Variants in KATNIP observed in about 807,000 individuals in gnomAD.
KATNIP encodes katanin interacting protein.
A neutral mutation model predicts 174.0 loss-of-function variants in KATNIP; 126 were observed. The observed-to-expected ratio is 0.72, with a 90% CI of 0.63 to 0.84. KATNIP has a LOEUF of 0.84. Among genes scored for constraint, KATNIP ranks in the 40% least tolerant of loss-of-function variants. KATNIP has a pLI of 0.00. For synonymous variants in KATNIP, 810 were observed against 835.7 expected, an observed-to-expected ratio of 0.97 and a Z score of 0.53; for missense variants, 1,958 against 2,109.7, an observed-to-expected ratio of 0.93 and a Z score of 1.41.
chr16:27,665,129 T>G (rs1179925648), intron 6 of KATNIP, among the ~76,000 whole-genome samples: 1 of 151,486 alleles, frequency 6.6e-6, no homozygotes, highest in Non-Finnish European at 1.5e-5. Context: ...GGAGGTTGTT[T>G]TTTTTTTTTT....
chr16:27,642,251 A>G (rs1181942866), intron 5 of KATNIP, among the ~76,000 whole-genome samples: 4 of 152,186 alleles, frequency 2.6e-5, no homozygotes, highest in Non-Finnish European at 5.9e-5. Flanking sequence ...GCTGGAAACT[A>G]TATGTCCTTT....
At chr16:27,760,722 G>T (rs1290995582) in intron 18 of KATNIP, among the ~76,000 whole-genome samples, 1 of 152,184 alleles carries the variant, frequency 6.6e-6, no homozygotes, top group Non-Finnish European at 1.5e-5. Context: ...AACAGATGGG[G>T]TTTCTCCCTC....
intron 3 of KATNIP, among the ~76,000 whole-genome samples, chr16:27,620,084 G>A (rs1404809650): frequency 6.6e-6 from 1 of 152,314 alleles, no homozygotes; most frequent in East Asian, 1.9e-4. Flanking sequence ...ATCAATAAGT[G>A]TGCAATCAAA....
chr16:27,618,801 G>A (rs570846672), intron 3 of KATNIP, among the ~76,000 whole-genome samples: 1 of 152,322 alleles, frequency 6.6e-6, no homozygotes, highest in Admixed American at 6.5e-5. Flanking sequence ...CAGGGCTTGT[G>A]CAAGAACCAC....
chr16:27,739,330 G>A (rs1208763507), intron 14 of KATNIP, among the ~76,000 whole-genome samples: 1 of 152,206 alleles, frequency 6.6e-6, no homozygotes, highest in Non-Finnish European at 1.5e-5. Flanking sequence ...ACTAGGGTTG[G>A]GGAAAGTGAG....
intron 5 of KATNIP, among the ~76,000 whole-genome samples, chr16:27,642,189 A>G (rs907386421): frequency 2.6e-5 from 4 of 152,236 alleles, no homozygotes; most frequent in African/African-American, 9.6e-5. Context: ...ATGGAATACT[A>G]TGCAGCCATA....
chr16:27,634,372 C>A (rs933333708), intron 5 of KATNIP, among the ~76,000 whole-genome samples: 1 of 152,180 alleles, frequency 6.6e-6, no homozygotes. Flanking sequence ...CTTACGAAGT[C>A]CTTGGGCTAG....
intron 5 of KATNIP, among the ~76,000 whole-genome samples, chr16:27,638,815 C>T (rs1247896522): frequency 6.6e-6 from 1 of 151,474 alleles, no homozygotes; most frequent in South Asian, 2.1e-4. Flanking sequence ...TCTGTACTCT[C>T]CTCCTGGCTG....
intron 2 of KATNIP, among the ~76,000 whole-genome samples, chr16:27,586,926 T>C (rs1426082987): frequency 6.6e-6 from 1 of 151,580 alleles, no homozygotes; most frequent in African/African-American, 2.4e-5. Flanking sequence ...TTCTTTTTTT[T>C]TTTTTTTAAT....
At position 27,759,865 on chromosome 16, in the gene KATNIP, C is replaced by T. The variant is rs543887180; in HGVS notation, c.3632-1548C>T. Among the ~76,000 whole-genome samples, 7 of 152,290 alleles carry T rather than the reference C, an allele frequency of 4.6e-5. No individual in the cohort carries two copies. The East Asian group carries it at 9.6e-4, about 21-fold the overall frequency. ...GCAACAGCAGGGACACGGGATGGGACGAGCTTGTAGCCACTTTGCACGTGA... is the reference window on the plus strand; with the variant it reads ...GCAACAGCAGGGACACGGGATGGGATGAGCTTGTAGCCACTTTGCACGTGA... On this transcript the variant is annotated intron_variant, in intron 18 of 27. Coordinates refer to ENST00000261588, the MANE Select transcript of KATNIP (RefSeq NM_015202.5).
intron 2 of KATNIP, among the ~76,000 whole-genome samples, chr16:27,601,585 G>A (rs1162034979): frequency 6.6e-6 from 1 of 152,114 alleles, no homozygotes; most frequent in African/African-American, 2.4e-5. Context: ...CAAAGTTCTG[G>A]GATTACAAGC....
chr16:27,611,361 T>G lies in KATNIP; in HGVS notation c.64-7064T>G, dbSNP rs575031255. Among the ~76,000 whole-genome samples the G allele has an allele frequency of 3.3e-5, 5 of 152,330 alleles. No homozygotes were observed. In the East Asian group the frequency reaches 9.6e-4, roughly 29 times the overall value. The stretch of plus-strand genomic sequence containing the variant: ...TCACACCTTTGCTGGGTGCCTTAAG[T>G]ATTCATACATCCATTTTGTAGGCAA... On this transcript the variant is annotated intron_variant, in intron 2 of 27. Coordinates refer to ENST00000261588, the MANE Select transcript of KATNIP (RefSeq NM_015202.5).
intron 8 of KATNIP, among the ~76,000 whole-genome samples, chr16:27,690,351 T>TAGAG (rs2078677350): frequency 8.4e-6 from 1 of 119,424 alleles, no homozygotes; most frequent in South Asian, 2.3e-4. Flanking sequence ...GATAGATAGA[T>TAGAG]AGATAGATAG....
intron 13 of KATNIP, among the ~76,000 whole-genome samples, chr16:27,717,694 A>C (rs2080017619): frequency 6.6e-6 from 1 of 152,122 alleles, no homozygotes; most frequent in South Asian, 2.1e-4. Flanking sequence ...TTGCCCTAGC[A>C]CTTCAGGGCA....
chr16:27,559,135 G>A (rs2089747454), intron 1 of KATNIP, among the ~76,000 whole-genome samples: 1 of 152,228 alleles, frequency 6.6e-6, no homozygotes, highest in African/African-American at 2.4e-5. Flanking sequence ...GTGGTTGGTT[G>A]CAAGGAAGAA....
At position 27,688,058 on chromosome 16, in the gene KATNIP, T is replaced by C. The variant is rs558500555; in HGVS notation, c.940+6528T>C. Among the ~76,000 whole-genome samples the C allele has an allele frequency of 1.2e-4, 19 of 152,308 alleles. No individual in the cohort carries two copies. In the South Asian group the frequency reaches 3.9e-3, roughly 32 times the overall value. ...CTCAGATGGTCTCTCGGGAAGCTGT[T>C]TCATCACTTAGCTTTACACTTCTCT... On this transcript the variant is annotated intron_variant, in intron 8 of 27. Coordinates refer to ENST00000261588, the MANE Select transcript of KATNIP (RefSeq NM_015202.5).
At chr16:27,713,802 GTA>G (rs2079760402) in intron 13 of KATNIP, among the ~76,000 whole-genome samples, 1 of 46,322 alleles carries the variant, frequency 2.2e-5, no homozygotes, top group African/African-American at 1.0e-4. Flanking sequence ...GTGTGTGTGT[GTA>G]TATACATATA....
At chr16:27,746,004 A>G (rs1458752749) in intron 15 of KATNIP, among the ~76,000 whole-genome samples, 1 of 122,530 alleles carries the variant, frequency 8.2e-6, no homozygotes, top group African/African-American at 3.3e-5. Flanking sequence ...TTGCTATGTC[A>G]CCCAGGCTGG....
intron 14 of KATNIP, chr16:27,727,136 C>CA: frequency 5.8e-6 from 1 of 172,458 alleles, no homozygotes; most frequent in South Asian, 1.1e-4. Context: ...CTATTAGTGT[C>CA]ATCGCCGGAG....
Sources: allele counts gnomAD v4.1 joint callset (sites outside exome capture counted in the v4.1 genomes callset), GRCh38; gene constraint gnomAD v4.1.1; transcripts MANE v1.5; gene names NCBI Gene and HGNC (gene_info 2026-07-23, HGNC 2026-07-21).